The following CTNNA3 variants were observed in gnomAD, a reference collection of about 807,000 sequenced individuals.
CTNNA3 encodes the protein catenin alpha-3.
Under a neutral mutation model 95.7 loss-of-function variants are expected in CTNNA3, and 76 were observed. The ratio of observed to expected loss-of-function variants is 0.79; its 90% CI spans 0.66 to 0.96. The LOEUF is 0.96. Ranked by LOEUF, CTNNA3 falls within the 40% of genes least tolerant of loss-of-function variation. The pLI is 0.00. For missense variants in CTNNA3, 1,191 were observed against 1,089.8 expected, an observed-to-expected ratio of 1.09 and a Z score of -1.31; for synonymous variants, 431 against 374.4, an observed-to-expected ratio of 1.15 and a Z score of -1.74.
chr10:65,981,362 T>C (rs1466725323), intron 16 of CTNNA3, among the ~76,000 whole-genome samples: 4 of 151,914 alleles, frequency 2.6e-5, no homozygotes, highest in Non-Finnish European at 5.9e-5. Context: ...CAGAAACAAA[T>C]GGAAACACTC....
intron 5 of CTNNA3, among the ~76,000 whole-genome samples, chr10:67,503,721 C>T (rs1157157668): frequency 1.3e-5 from 2 of 152,142 alleles, no homozygotes; most frequent in Non-Finnish European, 2.9e-5. Flanking sequence ...TATATGCCAA[C>T]ATTCTTAGAT....
intron 5 of CTNNA3, among the ~76,000 whole-genome samples, chr10:67,270,220 G>A (rs575234433): frequency 8.6e-5 from 13 of 151,334 alleles, no homozygotes; most frequent in Admixed American, 3.3e-4. Flanking sequence ...TATCTTTCTA[G>A]AGAATCTATT....
At chr10:66,028,092 T>C (rs2079376983) in intron 15 of CTNNA3, among the ~76,000 whole-genome samples, 1 of 152,130 alleles carries the variant, frequency 6.6e-6, no homozygotes, top group South Asian at 2.1e-4. Flanking sequence ...AGCATTACCA[T>C]ACATTTGAAG....
intron 5 of CTNNA3, among the ~76,000 whole-genome samples, chr10:67,281,792 A>G (rs1195467794): frequency 1.3e-5 from 2 of 152,166 alleles, no homozygotes; most frequent in African/African-American, 2.4e-5. Context: ...TAAATATCCC[A>G]CCAGCCAAAT....
At chr10:67,032,897 A>G (rs1347454605) in intron 7 of CTNNA3, among the ~76,000 whole-genome samples, 1 of 152,222 alleles carries the variant, frequency 6.6e-6, no homozygotes, top group African/African-American at 2.4e-5. Context: ...TTGGTACTGC[A>G]TAATGACATT....
At chr10:67,717,656 T>C (rs113128840) in intron 1 of CTNNA3, among the ~76,000 whole-genome samples, 16,373 of 152,154 alleles carry the variant, frequency 0.11, 1,169 homozygotes, top group African/African-American at 0.21. Context: ...CTGAGGCCTC[T>C]GTTCTGTTCC....
At chr10:66,977,877 C>T (rs1589532132) in intron 7 of CTNNA3, among the ~76,000 whole-genome samples, 2 of 152,028 alleles carry the variant, frequency 1.3e-5, no homozygotes, top group Admixed American at 1.3e-4. Context: ...CATTTGGAAA[C>T]AATACAAAAT....
At chr10:66,538,598 T>C (rs1564519872) in intron 10 of CTNNA3, among the ~76,000 whole-genome samples, 1 of 152,172 alleles carries the variant, frequency 6.6e-6, no homozygotes, top group African/African-American at 2.4e-5. Flanking sequence ...GTGACTCTCC[T>C]GAATCAGGCA....
chr10:67,402,788 C>T (rs1844971223), intron 5 of CTNNA3, among the ~76,000 whole-genome samples: 1 of 152,166 alleles, frequency 6.6e-6, no homozygotes, highest in African/African-American at 2.4e-5. Context: ...GGAGTCTCAG[C>T]AGGGCAGCCA....
intron 5 of CTNNA3, among the ~76,000 whole-genome samples, chr10:67,284,939 C>G (rs1055162018): frequency 6.6e-6 from 1 of 152,142 alleles, no homozygotes; most frequent in Non-Finnish European, 1.5e-5. Flanking sequence ...CATCCCCTCA[C>G]CCCCTGGGGG....
Position 66,754,903 on chromosome 10 carries a change from C to A in CTNNA3, c.1281+11361G>T, listed in dbSNP as rs74598691. Reference sequence around the variant, plus strand: ...CCACTGAAAAACAGCTTAATGGTTTCTCTAACTGTTAAACATAGAGTTATC... The same window carrying A: ...CCACTGAAAAACAGCTTAATGGTTTATCTAACTGTTAAACATAGAGTTATC... On this transcript the variant is annotated intron_variant, in intron 9 of 17. Coordinates refer to ENST00000433211, the MANE Select transcript of CTNNA3 (RefSeq NM_013266.4). Among the ~76,000 whole-genome samples the A allele has an allele frequency of 2.8e-3, 424 of 152,242 alleles. 8 individuals are homozygous for A. Among genetic ancestry groups the A allele is most frequent in the African/African-American group, 9.7e-3 (404 of 41,560 alleles).
chr10:66,822,418 T>C (rs959155797), intron 7 of CTNNA3, among the ~76,000 whole-genome samples: 1 of 152,140 alleles, frequency 6.6e-6, no homozygotes, highest in East Asian at 1.9e-4. Flanking sequence ...CTAACCACTA[T>C]TCCTGATTTT....
chr10:66,627,738 C>T (rs1270030335), intron 9 of CTNNA3, among the ~76,000 whole-genome samples: 1 of 152,170 alleles, frequency 6.6e-6, no homozygotes, highest in African/African-American at 2.4e-5. Context: ...ACAGTCATAT[C>T]AGTTCCTGCA....
chr10:67,631,235 T>C (rs989905789), intron 2 of CTNNA3, among the ~76,000 whole-genome samples: 5 of 152,110 alleles, frequency 3.3e-5, no homozygotes, highest in African/African-American at 1.2e-4. Flanking sequence ...AAGTGAATGA[T>C]TGAAATATAT....
At chr10:66,540,321 A>G (rs1374334657) in intron 10 of CTNNA3, among the ~76,000 whole-genome samples, 1 of 152,306 alleles carries the variant, frequency 6.6e-6, no homozygotes, top group East Asian at 1.9e-4. Flanking sequence ...TGTACATGAA[A>G]TTCACTTTGG....
chr10:67,601,529 G>A (rs1044449246), intron 3 of CTNNA3, among the ~76,000 whole-genome samples: 3 of 152,080 alleles, frequency 2.0e-5, no homozygotes, highest in Non-Finnish European at 1.5e-5. Context: ...GACCAGTACC[G>A]GTCCACGACC....
At chr10:66,667,523 A>C (rs950117064) in intron 9 of CTNNA3, among the ~76,000 whole-genome samples, 2 of 152,158 alleles carry the variant, frequency 1.3e-5, no homozygotes, top group Admixed American at 1.3e-4. Flanking sequence ...ACATTTCCTT[A>C]CATAAAATCC....
At chr10:66,726,679 A>C (rs1479039094) in intron 9 of CTNNA3, among the ~76,000 whole-genome samples, 1 of 152,134 alleles carries the variant, frequency 6.6e-6, no homozygotes, top group Admixed American at 6.6e-5. Flanking sequence ...GGCTGACTTC[A>C]AATATTTCAA....
intron 12 of CTNNA3, among the ~76,000 whole-genome samples, chr10:66,365,985 C>T (rs2092708507): frequency 6.6e-6 from 1 of 152,152 alleles, no homozygotes; most frequent in South Asian, 2.1e-4. Context: ...AGACCCTGAC[C>T]AACACCACCT....
Sources: allele counts gnomAD v4.1 joint callset (sites outside exome capture counted in the v4.1 genomes callset), GRCh38; gene constraint gnomAD v4.1.1; transcripts MANE v1.5; gene names NCBI Gene and HGNC (gene_info 2026-07-23, HGNC 2026-07-21).